Variants in LCA5L observed in about 807,000 individuals in gnomAD.
LCA5L encodes lebercilin-like protein.
In LCA5L, 35 loss-of-function variants were observed where a neutral mutation model predicts 45.4. That is an observed-to-expected ratio of 0.77 (90% CI 0.59 to 1.02). The LOEUF (loss-of-function observed/expected upper bound fraction) is 1.02, where lower values mean the gene tolerates loss of function less well. Ranked by LOEUF, LCA5L falls within the 50% of genes least tolerant of loss-of-function variation. The pLI is 0.00. For missense variants in LCA5L, 668 were observed against 761.6 expected (o/e 0.88, Z 1.45); for synonymous variants, 233 against 264.7 (o/e 0.88, Z 1.16).
rs80329269 is a variant in LCA5L at position 39,428,447 on chromosome 21, A to G, written c.47T>C (p.Phe16Ser). The change falls in exon 5 of 11, where the codon TTC (phenylalanine) becomes TCC (serine). Residue 16 changes from phenylalanine (F) to serine (S), a missense_variant. Physicochemically the swap from Phe to Ser is radical, Grantham distance 155. Transcript: ENST00000288350. ...CCTATTGTTTTCTAATGCCACGCCG[A>G]AGAAATGCTCATCTATATTTGTTTT... is the stretch of plus-strand genomic sequence containing the variant. Reference protein sequence around the residue: ...LTKTNIDEHFFGVALENNRRS... With the variant: ...LTKTNIDEHFSGVALENNRRS... 3,223 of 1,611,358 alleles carry G rather than the reference A, an allele frequency of 2.0e-3. 69 individuals are homozygous for G. In the African/African-American group the frequency reaches 0.035, roughly 18 times the overall value.
chr21:39,443,970 C>G (rs2077132165), intron 2 of LCA5L, 165 bp downstream of exon 2: 2 of 150,688 alleles, frequency 1.3e-5, no homozygotes, highest in African/African-American at 4.9e-5. Flanking sequence ...ATGGAGGTTG[C>G]AGTGAGCCGA....
intron 3 of LCA5L, among the ~76,000 whole-genome samples, chr21:39,434,529 T>C (rs2076103696): frequency 6.6e-6 from 1 of 152,204 alleles, no homozygotes; most frequent in Non-Finnish European, 1.5e-5. Flanking sequence ...CTACTGTTCT[T>C]TCTTTTGAGA....
chr21:39,410,131 G>A lies in LCA5L; in HGVS notation c.1165-35C>T, dbSNP rs774612321. 10 of 1,441,858 alleles carry A rather than the reference G, an allele frequency of 6.9e-6. No homozygotes were observed. The Admixed American group carries it at 1.2e-4, about 17-fold the overall frequency. The allele number at this position is 1,441,858 out of a possible 1,614,324, so 89.3% of individuals were successfully genotyped here. A position where few individuals can be genotyped will look rare whatever the true frequency, so the allele number is the denominator to read the frequency against. ...AGAAAAGCAGCAAAAACACATTTTG[G>A]GGGGTCTAGATAACTTAAAATTGCA... On this transcript the variant is annotated intron_variant, in intron 9 of 10. Coordinates refer to ENST00000288350, the MANE Select transcript of LCA5L (RefSeq NM_152505.4).
At position 39,405,850 on chromosome 21, in the gene LCA5L, C is replaced by A; in HGVS notation, c.*32G>T. Reference sequence around the variant, plus strand: ...GCAAGGCACATAAGCAGCATTATATCAAACCAGAATGCATTAGGATATTGA... The same window carrying A: ...GCAAGGCACATAAGCAGCATTATATAAAACCAGAATGCATTAGGATATTGA... On this transcript the variant is annotated 3_prime_UTR_variant, in exon 11 of 11. Transcript: ENST00000288350. 6.9e-7 allele frequency: 1 copy of A among 1,458,126 alleles called. No individual in the cohort carries two copies. The highest frequency in any genetic ancestry group is 1.3e-5 in the South Asian group (1 of 76,026). The allele number at this position is 1,458,126 out of a possible 1,614,324, so 90.3% of individuals were successfully genotyped here.
At chr21:39,435,642 G>C (rs1341106705) in intron 2 of LCA5L, 69 bp from the exon 3 acceptor site, 1 of 152,098 alleles carries the variant, frequency 6.6e-6, no homozygotes, top group South Asian at 2.1e-4. Flanking sequence ...ATAAGAATAA[G>C]GTTTTGAAGC....
At chr21:39,417,348 G>GT (rs56725659) in intron 7 of LCA5L, among the ~76,000 whole-genome samples, 15 of 151,864 alleles carry the variant, frequency 9.9e-5, no homozygotes, top group East Asian at 1.9e-4. Flanking sequence ...CTGCTTTTTA[G>GT]TTTTTTTTAC....
Position 39,406,030 on chromosome 21 carries a change from G to A in LCA5L, c.1865C>T (p.Ser622Leu). The A allele has an allele frequency of 6.2e-7, 1 of 1,614,206 alleles. No individual in the cohort carries two copies. Among genetic ancestry groups the A allele is most frequent in the South Asian group, 1.1e-5 (1 of 91,086 alleles). ...DQSSPGVAKG[S>L]EEPLQSKESH... ...CTCCTTACTTTGCAAAGGCTCCTCT[G>A]AGCCTTTTGCAACACCAGGACTTGA... Residue 622 changes from serine to leucine, a missense_variant, in exon 11 of 11, where the codon TCA becomes TTA. By Grantham distance (145) the Ser-to-Leu change is moderately radical (BLOSUM62 -2). Coordinates refer to ENST00000288350, the MANE Select transcript of LCA5L (RefSeq NM_152505.4).
intron 5 of LCA5L, chr21:39,427,725 GT>G (rs2075017367): frequency 6.6e-6 from 1 of 151,888 alleles, no homozygotes; most frequent in Admixed American, 6.6e-5. Context: ...AACCATCTCT[GT>G]TTCAAAAGAT....
chr21:39,407,187 A>T (rs749577871), intron 10 of LCA5L, among the ~76,000 whole-genome samples: 1 of 152,250 alleles, frequency 6.6e-6, no homozygotes, highest in Non-Finnish European at 1.5e-5. Context: ...TGACTGTGCC[A>T]CTGCATACCA....
chr21:39,418,607 TCTC>T (rs2041724859), intron 7 of LCA5L, among the ~76,000 whole-genome samples: 1 of 152,038 alleles, frequency 6.6e-6, no homozygotes, highest in East Asian at 1.9e-4. Context: ...TTCAAGCAAT[TCTC>T]CTGCCTCAGC....
intron 3 of LCA5L, among the ~76,000 whole-genome samples, chr21:39,429,772 C>G (rs1317834095): frequency 2.0e-5 from 3 of 152,142 alleles, no homozygotes; most frequent in Non-Finnish European, 4.4e-5. Flanking sequence ...AATACCAGCA[C>G]TTTGGGAGGC....
rs2039774688 is a variant in LCA5L at position 39,409,801 on chromosome 21, C to T, written c.1282+178G>A. Among the ~76,000 whole-genome samples, 1 of 152,130 alleles carries T rather than the reference C, an allele frequency of 6.6e-6. No homozygotes were observed. The highest frequency in any genetic ancestry group is 6.5e-5 in the Admixed American group (1 of 15,270). ...TAGAGATAGGGTTTCACCATGTTGG[C>T]CAGGCTGGTCTCAAACTCTTGACCT... On this transcript the variant is annotated intron_variant, in intron 10 of 10. Coordinates refer to ENST00000288350, the MANE Select transcript of LCA5L (RefSeq NM_152505.4). The surrounding 1 kb of genome is among the most constrained non-coding windows in gnomAD (Gnocchi z 4.2).
At position 39,432,985 on chromosome 21, in the gene LCA5L, T is replaced by C. The variant is rs145304795; in HGVS notation, c.-92+2435A>G. Among the ~76,000 whole-genome samples, 746 of 152,370 alleles carry C rather than the reference T, an allele frequency of 4.9e-3. 6 individuals carry two copies. The highest frequency in any genetic ancestry group is 9.5e-3 in the South Asian group (46 of 4,826). The stretch of plus-strand genomic sequence containing the variant: ...ATTACAAATAAAATTGCTGTGAATA[T>C]TCTGGATATAAATCCTTTATCAGAT... On this transcript the variant is annotated intron_variant, in intron 3 of 10. Coordinates refer to ENST00000288350, the MANE Select transcript of LCA5L (RefSeq NM_152505.4).
Position 39,420,757 on chromosome 21 carries a change from T to C in LCA5L, c.924A>G (p.Thr308=), listed in dbSNP as rs199694061. Reference sequence around the variant, plus strand: ...CTTCCACCTGCAGAGTCTTGGTAGCTGTCTGAGCTGCTAAAGTCTTCCGAG... The same window carrying C: ...CTTCCACCTGCAGAGTCTTGGTAGCCGTCTGAGCTGCTAAAGTCTTCCGAG... The part of the protein sequence containing the change: ...IETRKTLAAQ[T]ATKTLQVEVK... Residue 308 remains threonine, a synonymous_variant, in exon 7 of 11, where the codon ACA becomes ACG. Transcript: ENST00000288350. The C allele has an allele frequency of 2.1e-5, 34 of 1,613,678 alleles. No individual in the cohort carries two copies. The South Asian group carries it at 3.1e-4, about 15-fold the overall frequency.
chr21:39,414,738 C>CTGTGTG (rs763309098), intron 7 of LCA5L, among the ~76,000 whole-genome samples: 7,217 of 106,584 alleles, frequency 0.068, 214 homozygotes, highest in Non-Finnish European at 0.082. Context: ...CTCTCTCTCT[C>CTGTGTG]TCTCTGTGTG....
chr21:39,415,217 T>A (rs1449982566), intron 7 of LCA5L, among the ~76,000 whole-genome samples: 1 of 152,208 alleles, frequency 6.6e-6, no homozygotes, highest in African/African-American at 2.4e-5. Context: ...AAAATAACAT[T>A]TTCTGTCATT....
chr21:39,441,874 G>GT (rs999451758), intron 2 of LCA5L, among the ~76,000 whole-genome samples: 3 of 152,196 alleles, frequency 2.0e-5, no homozygotes, highest in Non-Finnish European at 4.4e-5. Flanking sequence ...ACGGCGCTTA[G>GT]TATCTCTTAC....
At chr21:39,438,425 A>G (rs2076495078) in intron 2 of LCA5L, among the ~76,000 whole-genome samples, 1 of 152,182 alleles carries the variant, frequency 6.6e-6, no homozygotes, top group Non-Finnish European at 1.5e-5. Context: ...AGAACCATAA[A>G]GGAAACAACT....
At position 39,422,978 on chromosome 21, in the gene LCA5L, G is replaced by T. The variant is rs1302645896; in HGVS notation, c.835C>A (p.Gln279Lys). 6.2e-7 allele frequency: 1 copy of T among 1,613,142 alleles called. No individual in the cohort carries two copies. Among genetic ancestry groups the T allele is most frequent in the East Asian group, 2.2e-5 (1 of 44,878 alleles). Reference sequence around the variant, plus strand: ...GTCTGGGCCCCTGAAATACAGACCTGTATTTTTTTGTCATTTGCGTCCATT... The same window carrying T: ...GTCTGGGCCCCTGAAATACAGACCTTTATTTTTTTGTCATTTGCGTCCATT... ...TKMDANDKKIQSLEKQLRLNC... is the reference protein window; with the variant it reads ...TKMDANDKKIKSLEKQLRLNC... Residue 279 changes from glutamine to lysine, a missense_variant and splice_region_variant, in exon 6 of 11, where the codon CAG becomes AAG. By Grantham distance (53) the Gln-to-Lys change is moderately conservative. Transcript: ENST00000288350.
Sources: allele counts gnomAD v4.1 joint callset (sites outside exome capture counted in the v4.1 genomes callset), GRCh38; gene constraint gnomAD v4.1.1; non-coding constraint Gnocchi (gnomAD v3.1); transcripts MANE v1.5; gene names NCBI Gene and HGNC (gene_info 2026-07-23, HGNC 2026-07-21).